The following GRIP1 variants were observed in gnomAD, a reference collection of about 807,000 sequenced individuals.
The protein encoded by GRIP1 is glutamate receptor interacting protein 1.
GRIP1 carries 45 observed loss-of-function variants against 129.9 expected under a neutral mutation model. The observed-to-expected ratio is 0.35, with a 90% CI of 0.27 to 0.44. The LOEUF (loss-of-function observed/expected upper bound fraction) is 0.44. GRIP1 is among the 20% of genes least tolerant of loss of function. The pLI, the probability that GRIP1 is intolerant of heterozygous loss-of-function variation, is 1.00. For missense variants in GRIP1, 1,196 were observed against 1,396.8 expected, an observed-to-expected ratio of 0.86 and a Z score of 2.29; for synonymous variants, 530 against 520.8, an observed-to-expected ratio of 1.02 and a Z score of -0.24.
intron 13 of GRIP1, among the ~76,000 whole-genome samples, chr12:66,443,622 T>A (rs754411181): frequency 2.6e-5 from 4 of 151,838 alleles, no homozygotes; most frequent in Non-Finnish European, 4.4e-5. Context: ...GCCTGGCTAA[T>A]TTTTTGTATT....
intron 1 of GRIP1, among the ~76,000 whole-genome samples, chr12:67,022,101 C>T (rs1426059600): frequency 6.6e-6 from 1 of 152,164 alleles, no homozygotes; most frequent in African/African-American, 2.4e-5. Flanking sequence ...GTGAATAATG[C>T]TGCAATCAAC....
At chr12:66,864,353 G>C (rs2040164812) in intron 1 of GRIP1, among the ~76,000 whole-genome samples, 1 of 151,758 alleles carries the variant, frequency 6.6e-6, no homozygotes. Flanking sequence ...TTCTTGAATT[G>C]AGATCTACAC....
chr12:66,513,265 C>A (rs2060751350), intron 7 of GRIP1, among the ~76,000 whole-genome samples: 1 of 152,110 alleles, frequency 6.6e-6, no homozygotes, highest in Non-Finnish European at 1.5e-5. Context: ...ACAATATTCT[C>A]TGTCTTCAGA....
chr12:66,694,255 T>C (rs1247922122), intron 1 of GRIP1, among the ~76,000 whole-genome samples: 4 of 152,216 alleles, frequency 2.6e-5, no homozygotes, highest in African/African-American at 4.8e-5. Flanking sequence ...GCATTTCTAC[T>C]TGAGGCCATT....
chr12:66,834,941 G>T (rs895544700), intron 1 of GRIP1, among the ~76,000 whole-genome samples: 1 of 148,352 alleles, frequency 6.7e-6, no homozygotes, highest in African/African-American at 2.5e-5. Context: ...AAAAAAGGGG[G>T]GGGGGCAGGA....
At chr12:66,534,780 G>A (rs2061558449) in intron 4 of GRIP1, among the ~76,000 whole-genome samples, 1 of 151,914 alleles carries the variant, frequency 6.6e-6, no homozygotes, top group South Asian at 2.1e-4. Context: ...CACAACCTCT[G>A]CCTCCCAGGT....
At chr12:66,755,225 A>T (rs548285739) in intron 1 of GRIP1, among the ~76,000 whole-genome samples, 2 of 152,314 alleles carry the variant, frequency 1.3e-5, no homozygotes, top group South Asian at 4.1e-4. Context: ...ATGAAAAAAC[A>T]AGCCTTTAAT....
At chr12:66,627,961 A>G (rs773230916) in intron 1 of GRIP1, among the ~76,000 whole-genome samples, 2 of 152,050 alleles carry the variant, frequency 1.3e-5, no homozygotes, top group Non-Finnish European at 2.9e-5. Context: ...GAAAGGGAGA[A>G]AGGAAAGAGA....
intron 1 of GRIP1, among the ~76,000 whole-genome samples, chr12:66,785,861 T>C (rs1456355273): frequency 2.0e-5 from 3 of 151,814 alleles, no homozygotes; most frequent in African/African-American, 7.3e-5. Context: ...GTGGGAGGAT[T>C]GCTTGAGGCC....
intron 19 of GRIP1, among the ~76,000 whole-genome samples, chr12:66,391,036 T>C (rs2056565350): frequency 6.6e-6 from 1 of 152,198 alleles, no homozygotes; most frequent in African/African-American, 2.4e-5. Context: ...TCCAGTTTTT[T>C]CTCCCTTCCA....
At position 66,572,027 on chromosome 12, in the gene GRIP1, G is replaced by A. The variant is rs946081954; in HGVS notation, c.136+24820C>T. ...CATATGTTTTAAATCAACTTCTCAG[G>A]CCTAAAAAAACCCCACACTTCTGGA... On this transcript the variant is annotated intron_variant, in intron 2 of 24. Transcript: ENST00000359742. 2.0e-5 allele frequency among the ~76,000 whole-genome samples: 3 copies of A among 152,024 alleles called. No individual in the cohort carries two copies. The South Asian group carries it at 6.2e-4, about 32-fold the overall frequency.
intron 1 of GRIP1, among the ~76,000 whole-genome samples, chr12:67,047,218 T>C (rs766873410): frequency 1.2e-4 from 19 of 152,176 alleles, no homozygotes; most frequent in Non-Finnish European, 2.6e-4. Context: ...AGTTCCAATT[T>C]TCCTATTTAA....
chr12:67,000,598 C>T (rs1281875439), intron 1 of GRIP1, among the ~76,000 whole-genome samples: 1 of 152,226 alleles, frequency 6.6e-6, no homozygotes. Context: ...TCTGTCTCCT[C>T]ACCTGCAGCA....
At chr12:66,789,828 T>C (rs977226800) in intron 1 of GRIP1, among the ~76,000 whole-genome samples, 1 of 152,114 alleles carries the variant, frequency 6.6e-6, no homozygotes, top group African/African-American at 2.4e-5. Flanking sequence ...GAATGAAAAT[T>C]ACAAGGAACA....
At chr12:66,944,101 C>T (rs1427226877) in intron 1 of GRIP1, among the ~76,000 whole-genome samples, 2 of 152,176 alleles carry the variant, frequency 1.3e-5, no homozygotes, top group African/African-American at 2.4e-5. Context: ...GGTACAGGAA[C>T]TGATGCCTTT....
At chr12:66,561,737 A>G (rs931230935) in intron 2 of GRIP1, among the ~76,000 whole-genome samples, 7 of 152,062 alleles carry the variant, frequency 4.6e-5, no homozygotes, top group African/African-American at 1.7e-4. Flanking sequence ...AAAAAAATAT[A>G]TATATTTTAT....
chr12:66,708,943 G>A (rs1223314095), intron 1 of GRIP1, among the ~76,000 whole-genome samples: 1 of 151,582 alleles, frequency 6.6e-6, no homozygotes, highest in African/African-American at 2.4e-5. Flanking sequence ...TAATTTGTAA[G>A]CTATCAGATA....
chr12:66,682,762 T>G (rs1592739338), upstream of GRIP1, among the ~76,000 whole-genome samples: 1 of 152,154 alleles, frequency 6.6e-6, no homozygotes, highest in Non-Finnish European at 1.5e-5. Flanking sequence ...GAAATTCATT[T>G]TGCAAAAAAC....
intron 1 of GRIP1, among the ~76,000 whole-genome samples, chr12:66,625,849 A>T (rs916999042): frequency 5.9e-5 from 9 of 152,214 alleles, no homozygotes; most frequent in Non-Finnish European, 1.2e-4. Context: ...CCCATGTAGC[A>T]TTTAATAAAA....
Sources: allele counts gnomAD v4.1 joint callset (sites outside exome capture counted in the v4.1 genomes callset), GRCh38; gene constraint gnomAD v4.1.1; transcripts MANE v1.5; gene names NCBI Gene and HGNC (gene_info 2026-07-23, HGNC 2026-07-21).